The following PRKG1 variants were observed in gnomAD, a reference collection of about 807,000 sequenced individuals.
The protein encoded by PRKG1 is cGMP-dependent protein kinase 1.
In PRKG1, 35 loss-of-function variants were observed where a neutral mutation model predicts 88.1. The observed-to-expected ratio is 0.40, with a 90% CI of 0.30 to 0.53. The LOEUF (loss-of-function observed/expected upper bound fraction) is 0.53, where lower values mean the gene tolerates loss of function less well. Among genes scored for constraint, PRKG1 ranks in the 20% least tolerant of loss-of-function variants. PRKG1 has a pLI of 0.59. For synonymous variants in PRKG1, 303 were observed against 292.5 expected, an observed-to-expected ratio of 1.04 and a Z score of -0.37; for missense variants, 540 against 839.8, an observed-to-expected ratio of 0.64 and a Z score of 4.41.
At chr10:51,261,795 C>G (rs1271938671) in intron 2 of PRKG1, among the ~76,000 whole-genome samples, 2 of 151,766 alleles carry the variant, frequency 1.3e-5, no homozygotes, top group African/African-American at 4.8e-5. Context: ...CAAACTGATT[C>G]CCTGTTTGAA....
intron 3 of PRKG1, among the ~76,000 whole-genome samples, chr10:51,548,684 C>G (rs776834061): frequency 6.6e-6 from 1 of 152,020 alleles, no homozygotes; most frequent in Non-Finnish European, 1.5e-5. Flanking sequence ...TTTGTGTTCT[C>G]TTTTATATTT....
At chr10:51,988,238 C>T (rs138344417) in intron 5 of PRKG1, among the ~76,000 whole-genome samples, 2,266 of 152,004 alleles carry the variant, frequency 0.015, 63 homozygotes, top group African/African-American at 0.052. Context: ...TATTTATTTA[C>T]GAATGAATTT....
At chr10:52,188,337 T>C (rs540583855) in intron 9 of PRKG1, among the ~76,000 whole-genome samples, 4 of 145,532 alleles carry the variant, frequency 2.7e-5, no homozygotes, top group Admixed American at 2.1e-4. Context: ...TACACATATA[T>C]ATATATATTT....
At chr10:51,384,873 A>G (rs138441360) in intron 2 of PRKG1, among the ~76,000 whole-genome samples, 2,115 of 152,360 alleles carry the variant, frequency 0.014, 24 homozygotes, top group Admixed American at 0.029. Flanking sequence ...ATGATAAAAT[A>G]GTAAATTAAA....
intron 1 of PRKG1, among the ~76,000 whole-genome samples, chr10:51,078,895 T>G (rs1844037008): frequency 6.6e-6 from 1 of 152,110 alleles, no homozygotes; most frequent in Non-Finnish European, 1.5e-5. Flanking sequence ...GGATTACAGG[T>G]GTGAGCCACC....
chr10:52,002,340 C>A (rs1844620775), intron 5 of PRKG1, among the ~76,000 whole-genome samples: 1 of 152,106 alleles, frequency 6.6e-6, no homozygotes, highest in African/African-American at 2.4e-5. Context: ...AGTATCTACA[C>A]AATTTGAGGG....
At chr10:51,986,624 C>T (rs1408703280) in intron 5 of PRKG1, among the ~76,000 whole-genome samples, 1 of 152,302 alleles carries the variant, frequency 6.6e-6, no homozygotes, top group South Asian at 2.1e-4. Context: ...TGTGAAATCA[C>T]CTGCTCCAAC....
chr10:51,664,636 C>T (rs60970989), intron 3 of PRKG1, among the ~76,000 whole-genome samples: 4,806 of 152,024 alleles, frequency 0.032, 185 homozygotes, highest in African/African-American at 0.098. Flanking sequence ...ATACTGAGGG[C>T]GAATAAGATA....
rs11000278 is a variant in PRKG1, at chr10:51,958,248, G to A, written c.762+50678G>A. 4.6e-5 allele frequency among the ~76,000 whole-genome samples: 7 copies of A among 152,154 alleles called. No homozygotes were observed. In the East Asian group the frequency reaches 1.4e-3, roughly 29 times the overall value. On this transcript the variant is annotated intron_variant, in intron 5 of 17. Transcript: ENST00000373980. ...ATTTCTCCCATCACTCAGGCCTCCT[G>A]GGCCATTATCAGGGTAGTTCTTATG... is the stretch of plus-strand genomic sequence containing the variant.
At chr10:52,136,419 G>A (rs536071621) in intron 8 of PRKG1, among the ~76,000 whole-genome samples, 20 of 152,138 alleles carry the variant, frequency 1.3e-4, no homozygotes, top group African/African-American at 4.3e-4. Context: ...AGTTAATCTT[G>A]CCTCTTTTAA....
chr10:51,215,683 G>A (rs1473938946), intron 2 of PRKG1, among the ~76,000 whole-genome samples: 1 of 152,126 alleles, frequency 6.6e-6, no homozygotes, highest in Non-Finnish European at 1.5e-5. Flanking sequence ...AACATTCTTT[G>A]TCTCTCCCTC....
At chr10:51,825,494 G>C (rs1839861021) in intron 4 of PRKG1, among the ~76,000 whole-genome samples, 1 of 152,088 alleles carries the variant, frequency 6.6e-6, no homozygotes, top group South Asian at 2.1e-4. Context: ...ACAGGGACAA[G>C]AGCACTGTAG....
intron 3 of PRKG1, among the ~76,000 whole-genome samples, chr10:51,498,543 AT>A (rs1363659123): frequency 1.6e-4 from 24 of 152,348 alleles, no homozygotes; most frequent in Admixed American, 1.4e-3. Context: ...AGACTTAGTC[AT>A]TCCACAATGT....
chr10:52,010,188 TA>T (rs1184989856), intron 5 of PRKG1, among the ~76,000 whole-genome samples: 8 of 152,276 alleles, frequency 5.3e-5, no homozygotes, highest in African/African-American at 1.9e-4. Context: ...CTAATTAAAC[TA>T]AACAGCTTCT....
At chr10:52,129,746 T>C (rs1479755133) in intron 7 of PRKG1, among the ~76,000 whole-genome samples, 1 of 152,186 alleles carries the variant, frequency 6.6e-6, no homozygotes, top group East Asian at 1.9e-4. Flanking sequence ...AAAATGAAAA[T>C]GACCCTTTCA....
intron 1 of PRKG1, among the ~76,000 whole-genome samples, chr10:51,149,085 C>A (rs941174215): frequency 6.6e-6 from 1 of 152,032 alleles, no homozygotes; most frequent in Non-Finnish European, 1.5e-5. Context: ...AAGGTCATTC[C>A]AAACTCTACA....
chr10:51,973,687 A>C (rs1843762364), intron 5 of PRKG1, among the ~76,000 whole-genome samples: 1 of 152,188 alleles, frequency 6.6e-6, no homozygotes, highest in Non-Finnish European at 1.5e-5. Context: ...TGTTTTTATT[A>C]GATGAGAAAA....
chr10:51,114,501 G>A (rs910099194), intron 1 of PRKG1, among the ~76,000 whole-genome samples: 1 of 151,902 alleles, frequency 6.6e-6, no homozygotes, highest in Admixed American at 6.6e-5. Context: ...AGGGGAGGGG[G>A]ACAAGGTGGG....
chr10:52,016,960 A>G (rs1160222009), intron 5 of PRKG1, among the ~76,000 whole-genome samples: 2 of 152,156 alleles, frequency 1.3e-5, no homozygotes, highest in Non-Finnish European at 2.9e-5. Context: ...ATTAATTCCC[A>G]GAGGTAGCCA....
Sources: gnomAD v4.1 joint callset for allele counts (sites outside exome capture counted in the v4.1 genomes callset) on GRCh38, gnomAD v4.1.1 for gene constraint, MANE v1.5 for transcripts, NCBI Gene and HGNC (gene_info 2026-07-23, HGNC 2026-07-21) for gene names.